SFPQ: variants seen among roughly 807,000 people sequenced by gnomAD.
SFPQ encodes the protein splicing factor proline and glutamine rich, also known as splicing factor, proline- and glutamine-rich.
Under a neutral mutation model 72.9 loss-of-function variants are expected in SFPQ, and 11 were observed. The ratio of observed to expected loss-of-function variants is 0.15; its 90% CI spans 0.09 to 0.25. The LOEUF (loss-of-function observed/expected upper bound fraction) is 0.25, where lower values mean the gene tolerates loss of function less well. Ranked by LOEUF, SFPQ falls within the 10% of genes least tolerant of loss-of-function variation. SFPQ has a pLI of 1.00. For missense variants in SFPQ, 847 were observed against 993.3 expected (o/e 0.85, Z 1.98); for synonymous variants, 506 against 367.3 (o/e 1.38, Z -4.32).
At chr1:35,180,372 A>G, downstream of SFPQ, 1 of 1,042,362 alleles carries the variant, frequency 9.6e-7, no homozygotes, top group Non-Finnish European at 1.2e-6. Context: ...CCCTAAAGCT[A>G]AGGGAACCAA....
downstream of SFPQ, chr1:35,179,432 C>G (rs557617915): frequency 9.5e-7 from 1 of 1,056,226 alleles, no homozygotes; most frequent in Non-Finnish European, 1.1e-6. Flanking sequence ...TACGAAAATA[C>G]ATTCTGGCAT....
At chr1:35,179,442 T>C (rs192499247), downstream of SFPQ, 6 of 1,056,546 alleles carry the variant, frequency 5.7e-6, no homozygotes, top group Admixed American at 3.3e-4. Flanking sequence ...CATTCTGGCA[T>C]CACACCTCTG....
In SFPQ at chr1:35,192,379, A is replaced by T. The variant is rs1640063185; in HGVS notation, c.671T>A (p.Leu224Gln). The change falls in exon 1 of 10, where the codon CTA (leucine) becomes CAA (glutamine). Residue 224 changes from leucine to glutamine, a missense_variant. By Grantham distance (113) the Leu-to-Gln change is moderately radical. Transcript: ENST00000357214. Reference protein sequence around the residue: ...GGPKPGGGPGLSTPGGHPKPP... With the variant: ...GGPKPGGGPGQSTPGGHPKPP... ...CTTGGGGTGGCCGCCAGGCGTACTTAGGCCCGGGCCGCCACCTGGCTTCGG... is the reference window on the plus strand; with the variant it reads ...CTTGGGGTGGCCGCCAGGCGTACTTTGGCCCGGGCCGCCACCTGGCTTCGG... 7.2e-7 allele frequency: 1 copy of T among 1,398,118 alleles called. No individual in the cohort carries two copies. Among genetic ancestry groups the T allele is most frequent in the Non-Finnish European group, 9.2e-7 (1 of 1,087,102 alleles). The allele number at this position is 1,398,118 out of a possible 1,614,324, so 86.6% of individuals were successfully genotyped here.
At chr1:35,182,696 T>A (rs1456162778), downstream of SFPQ, 2 of 985,274 alleles carry the variant, frequency 2.0e-6, no homozygotes, top group Non-Finnish European at 2.4e-6. Context: ...GGAAGACACA[T>A]TCCATAGTAA....
downstream of SFPQ, chr1:35,182,322 T>A: frequency 1.0e-6 from 1 of 985,396 alleles, no homozygotes. Context: ...GAAAATCTCT[T>A]ATGTATCACC....
chr1:35,192,366 G>A lies in SFPQ; in HGVS notation c.684C>T (p.Gly228=). 4 of 1,388,216 alleles carry A rather than the reference G, an allele frequency of 2.9e-6. No homozygotes were observed. Among genetic ancestry groups the A allele is most frequent in the South Asian group, 3.2e-5 (2 of 61,786 alleles). 86.0% of individuals were successfully genotyped at this position (1,388,216 alleles called of 1,614,324 possible). ...PGGGPGLSTP[G]GHPKPPHRGG... ...CTCGATGCGGCGGCTTGGGGTGGCC[G>A]CCAGGCGTACTTAGGCCCGGGCCGC... is the stretch of plus-strand genomic sequence containing the variant. The change falls in exon 1 of 10, where the codon GGC becomes GGT. Residue 228 remains glycine, a synonymous_variant. Transcript: ENST00000357214.
rs754992414 is a variant in SFPQ at position 35,184,062 on chromosome 1, T to C, written c.*394A>G. ...GGCCTAGACACTCTCATGCTTTCAA[T>C]GTGGAATACGTAGCCTAATATGCAT... is the stretch of plus-strand genomic sequence containing the variant. On this transcript the variant is annotated 3_prime_UTR_variant, in exon 10 of 10. Coordinates refer to ENST00000357214, the MANE Select transcript of SFPQ (RefSeq NM_005066.3). 9.3e-7 allele frequency: 1 copy of C among 1,075,630 alleles called. No homozygotes were observed. Among genetic ancestry groups the C allele is most frequent in the Non-Finnish European group, 1.1e-6 (1 of 887,172 alleles). 66.6% of individuals were successfully genotyped at this position (1,075,630 alleles called of 1,614,324 possible).
rs773493206 is a variant in SFPQ, at chr1:35,187,028, C to A, written c.1959G>T (p.Met653Ile). ...TGTCACTTCCCATCATGGAACCACT[C>A]ATGGTTGCTGGTGGAACGCCAGGAT... ...EANPGVPPAT[M>I]SGSMMGSDMR... The change falls in exon 9 of 10, where the codon ATG becomes ATT. Residue 653 changes from methionine (M) to isoleucine (I), a missense_variant. This residue lies in a region of SFPQ where 154 missense variants were observed against 186.0 expected (regional missense o/e 0.83). Transcript: ENST00000357214. 3 of 1,614,072 alleles carry A rather than the reference C, an allele frequency of 1.9e-6. No homozygotes were observed. The Admixed American group carries it at 5.0e-5, about 27-fold the overall frequency.
intron 8 of SFPQ, 33 bp downstream of exon 8, chr1:35,187,169 CT>C: frequency 6.2e-7 from 1 of 1,613,992 alleles, no homozygotes; most frequent in Non-Finnish European, 8.5e-7. Flanking sequence ...ATACTACTCT[CT>C]ACTTATATCA....
At chr1:35,191,110 C>T (rs1639973660) in intron 2 of SFPQ, 115 bp from the exon 3 acceptor site, 5 of 993,076 alleles carry the variant, frequency 5.0e-6, no homozygotes, top group East Asian at 5.2e-5. Context: ...TCGACCATTA[C>T]CTTTAGGCAG....
rs1639575763 is a variant in SFPQ at position 35,183,664 on chromosome 1, T to C, written c.*792A>G. On this transcript the variant is annotated 3_prime_UTR_variant, in exon 10 of 10. Coordinates refer to ENST00000357214, the MANE Select transcript of SFPQ (RefSeq NM_005066.3). ...TACAAGCCATTTATAGGGCTTGAGA[T>C]TTGTTGGTCTTTTAAAAACAAGAAA... The C allele has an allele frequency of 1.8e-5, 19 of 1,038,440 alleles. No individual in the cohort carries two copies. The highest frequency in any genetic ancestry group is 2.2e-5 in the Non-Finnish European group (19 of 862,080). 64.3% of individuals were successfully genotyped at this position (1,038,440 alleles called of 1,614,324 possible).
Position 35,192,538 on chromosome 1 carries a change from C to T in SFPQ, c.512G>A (p.Ser171Asn). The T allele has an allele frequency of 7.5e-7, 1 of 1,327,668 alleles. No homozygotes were observed. The highest frequency in any genetic ancestry group is 9.6e-7 in the Non-Finnish European group (1 of 1,045,140). 82.2% of individuals were successfully genotyped at this position (1,327,668 alleles called of 1,614,324 possible). Residue 171 changes from serine to asparagine, a missense_variant, in exon 1 of 10, where the codon AGC becomes AAC. Transcript: ENST00000357214. ...PPGAPPPTPP[S>N]SGVPTTPPQA... The stretch of plus-strand genomic sequence containing the variant: ...AGGAGGTGTGGTAGGGACCCCGCTG[C>T]TTGGCGGGGTGGGTGGCGGCGCCCC...
At position 35,183,769 on chromosome 1, in the gene SFPQ, C is replaced by A. The variant is rs1639581279; in HGVS notation, c.*687G>T. 9.5e-7 allele frequency: 1 copy of A among 1,052,936 alleles called. No homozygotes were observed. The highest frequency in any genetic ancestry group is 1.1e-6 in the Non-Finnish European group (1 of 871,154). 65.2% of individuals were successfully genotyped at this position (1,052,936 alleles called of 1,614,324 possible). On this transcript the variant is annotated 3_prime_UTR_variant, in exon 10 of 10. Coordinates refer to ENST00000357214, the MANE Select transcript of SFPQ (RefSeq NM_005066.3). ...ATAGATCATAGGGCCATAAAAGATC[C>A]ATTTAATCAAACCCACTTTCACCCC...
intron 6 of SFPQ, 40 bp from the exon 7 acceptor site, chr1:35,188,130 A>C (rs751757356): frequency 7.0e-7 from 1 of 1,429,372 alleles, no homozygotes; most frequent in South Asian, 1.1e-5. Context: ...AGTGTTATCC[A>C]CATCTTTTAG....
intron 4 of SFPQ, among the ~76,000 whole-genome samples, 174 bp from the exon 5 acceptor site, chr1:35,189,556 A>G (rs541520579): frequency 6.6e-6 from 1 of 152,332 alleles, no homozygotes; most frequent in South Asian, 2.1e-4. Context: ...ACACTCAGTA[A>G]AAGAATGCAG....
chr1:35,181,676 G>T (rs1221388533), downstream of SFPQ: 3 of 1,060,624 alleles, frequency 2.8e-6, no homozygotes, highest in Admixed American at 5.4e-5. Context: ...AGAAAGTGGA[G>T]AAGAGGAAAT....
chr1:35,191,077 T>C, intron 2 of SFPQ, 82 bp from the exon 3 acceptor site: 1 of 1,219,440 alleles, frequency 8.2e-7, no homozygotes, highest in Non-Finnish European at 1.2e-6. Context: ...TACTTCCTAC[T>C]CCCTTTCTTC....
intron 9 of SFPQ, 64 bp downstream of exon 9, chr1:35,186,937 A>G: frequency 3.9e-6 from 6 of 1,528,224 alleles, no homozygotes; most frequent in Admixed American, 2.1e-5. Context: ...ACAAAACAAA[A>G]CAAACACACC....
At chr1:35,185,507 G>A (rs1639667381) in intron 9 of SFPQ, among the ~76,000 whole-genome samples, 1 of 152,132 alleles carries the variant, frequency 6.6e-6, no homozygotes, top group Admixed American at 6.5e-5. Flanking sequence ...GGTAATTCTG[G>A]AGATAGAAGT....
Sources: allele counts gnomAD v4.1 joint callset (sites outside exome capture counted in the v4.1 genomes callset), GRCh38; gene constraint gnomAD v4.1.1; regional missense constraint gnomAD v4.1.1; transcripts MANE v1.5; gene names NCBI Gene and HGNC (gene_info 2026-07-23, HGNC 2026-07-21).